SYTL4: variants seen among roughly 807,000 people sequenced by gnomAD.
The protein encoded by SYTL4 is synaptotagmin-like protein 4.
In SYTL4, 16 loss-of-function variants were observed where a neutral mutation model predicts 52.7. That is an observed-to-expected ratio of 0.30 (90% CI 0.21 to 0.46). The LOEUF (loss-of-function observed/expected upper bound fraction) is 0.46, where lower values mean the gene tolerates loss of function less well. Among genes scored for constraint, SYTL4 ranks in the 20% least tolerant of loss-of-function variants. The pLI, the probability that SYTL4 is intolerant of heterozygous loss-of-function variation, is 1.00. For synonymous variants in SYTL4, 160 were observed against 186.6 expected (o/e 0.86, Z 1.16); for missense variants, 423 against 519.9 (o/e 0.81, Z 1.81).
intron 19 of SYTL4, among the ~76,000 whole-genome samples, chrX:100,677,397 A>G (rs2083296822): frequency 8.9e-6 from 1 of 112,069 alleles, no homozygotes; most frequent in South Asian, 3.7e-4. Flanking sequence ...TTCTAAGCAC[A>G]ACAGAAAGCC....
At chrX:100,706,931 C>T (rs2083968099) in intron 2 of SYTL4, among the ~76,000 whole-genome samples, 1 of 111,267 alleles carries the variant, frequency 9.0e-6, no homozygotes, top group Admixed American at 9.6e-5. Context: ...AATAAATATG[C>T]ACCCACTAAT....
intron 2 of SYTL4, among the ~76,000 whole-genome samples, chrX:100,724,918 T>C (rs987772539): frequency 9.3e-6 from 1 of 107,134 alleles, no homozygotes; most frequent in Non-Finnish European, 1.9e-5. Flanking sequence ...TAGTTCTATA[T>C]ATACTGACAC....
intron 2 of SYTL4, among the ~76,000 whole-genome samples, chrX:100,710,583 C>G (rs1194251148): frequency 8.9e-6 from 1 of 112,178 alleles, no homozygotes; most frequent in Non-Finnish European, 1.9e-5. Flanking sequence ...ACAACAACAA[C>G]AAATGTACCA....
At position 100,681,303 on chromosome X, in the gene SYTL4, T is replaced by A; in HGVS notation, c.1482A>T (p.Ser494=). The A allele has an allele frequency of 8.3e-7, 1 of 1,211,228 alleles. No homozygotes were observed. ...ISAESPTGLP[S]HKGELVVSLK... ...ATGAAACCACCAACTCGCCTTTGTG[T>A]GATGGCAAGCCAGTCGGGGACTCAG... The change falls in exon 17 of 20, where the codon TCA becomes TCT. Residue 494 remains serine (S), a synonymous_variant. Coordinates refer to ENST00000372989, the MANE Select transcript of SYTL4 (RefSeq NM_001370165.1).
intron 9 of SYTL4, 98 bp from the exon 10 acceptor site, chrX:100,690,736 T>C: frequency 1.6e-6 from 1 of 631,691 alleles, no homozygotes; most frequent in South Asian, 3.1e-5. Context: ...ATGGCTTGGG[T>C]CATCGTAATA....
intron 17 of SYTL4, among the ~76,000 whole-genome samples, chrX:100,680,054 C>G: frequency 8.9e-6 from 1 of 112,185 alleles, no homozygotes; most frequent in Non-Finnish European, 1.9e-5. Context: ...CTTACCACCT[C>G]TACTTCTTTG....
chrX:100,681,126 A>T, intron 17 of SYTL4, 101 bp downstream of exon 17: 1 of 660,981 alleles, frequency 1.5e-6, no homozygotes, highest in Admixed American at 2.7e-5. Flanking sequence ...GGAGCATCCC[A>T]ATTTGGTCTC....
At chrX:100,727,684 GGA>G (rs1162006287) in intron 2 of SYTL4, among the ~76,000 whole-genome samples, 1 of 112,367 alleles carries the variant, frequency 8.9e-6, no homozygotes, top group Non-Finnish European at 1.9e-5. Context: ...GACAGGCAGA[GGA>G]GATGGAGACG....
intron 16 of SYTL4, among the ~76,000 whole-genome samples, chrX:100,684,045 T>C (rs1172419336): frequency 8.9e-6 from 1 of 112,119 alleles, no homozygotes; most frequent in Non-Finnish European, 1.9e-5. Flanking sequence ...TGTTATACTT[T>C]GGTAATAATT....
rs746223938 is a variant in SYTL4, at chrX:100,686,785, G to A, written c.1185-4C>T. On this transcript the variant is annotated splice_polypyrimidine_tract_variant and splice_region_variant and intron_variant, in intron 14 of 19. Transcript: ENST00000372989. ...CAGAAGGTAAGTCTTCACATATCTA[G>A]AAACCAAAGACAGCACTGAGTAATT... is the stretch of plus-strand genomic sequence containing the variant. 1 of 1,195,851 alleles carries A rather than the reference G, an allele frequency of 8.4e-7. No individual in the cohort carries two copies. Among genetic ancestry groups the A allele is most frequent in the Non-Finnish European group, 1.1e-6 (1 of 881,439 alleles).
intron 2 of SYTL4, among the ~76,000 whole-genome samples, chrX:100,730,257 T>C (rs1346430005): frequency 9.0e-6 from 1 of 111,488 alleles, no homozygotes; most frequent in African/African-American, 3.3e-5. Flanking sequence ...GGAAATGAAG[T>C]GGGTAAGACA....
chrX:100,709,961 A>G (rs1374318438), intron 2 of SYTL4, among the ~76,000 whole-genome samples: 1 of 111,398 alleles, frequency 9.0e-6, no homozygotes, highest in African/African-American at 3.3e-5. Flanking sequence ...TACATGGATG[A>G]ATTTATAGTG....
chrX:100,729,865 G>C (rs1318422205), intron 2 of SYTL4, among the ~76,000 whole-genome samples: 1 of 110,703 alleles, frequency 9.0e-6, no homozygotes, highest in Non-Finnish European at 1.9e-5. Context: ...AGGGGAGGGG[G>C]AATGAGGGAG....
At chrX:100,700,220 A>G (rs2083818898) in intron 8 of SYTL4, among the ~76,000 whole-genome samples, 1 of 112,038 alleles carries the variant, frequency 8.9e-6, no homozygotes, top group African/African-American at 3.2e-5. Context: ...ATTGTATAGT[A>G]TGTGAATTAT....
At chrX:100,695,423 G>C (rs755666885) in intron 8 of SYTL4, among the ~76,000 whole-genome samples, 4 of 111,509 alleles carry the variant, frequency 3.6e-5, no homozygotes, top group Non-Finnish European at 7.5e-5. Flanking sequence ...CAGACAACCA[G>C]AAGCAATAGG....
chrX:100,695,571 G>A (rs1383614374), intron 8 of SYTL4, among the ~76,000 whole-genome samples: 1 of 111,959 alleles, frequency 8.9e-6, no homozygotes, highest in African/African-American at 3.2e-5. Context: ...ACCCAAGGCT[G>A]TGTAGATAAA....
chrX:100,724,618 G>A (rs775603786), intron 2 of SYTL4, among the ~76,000 whole-genome samples: 4 of 98,661 alleles, frequency 4.1e-5, no homozygotes, highest in South Asian at 5.2e-4. Flanking sequence ...ACTCAGGGTT[G>A]AATGGATTAA....
intron 2 of SYTL4, among the ~76,000 whole-genome samples, chrX:100,709,887 C>T (rs908104950): frequency 1.2e-4 from 13 of 111,656 alleles, no homozygotes; most frequent in African/African-American, 4.2e-4. Flanking sequence ...AAGTTTCAGG[C>T]TATTGTTATT....
intron 2 of SYTL4, among the ~76,000 whole-genome samples, chrX:100,717,596 CA>C (rs1208219618): frequency 8.9e-6 from 1 of 112,486 alleles, no homozygotes; most frequent in East Asian, 2.8e-4. Flanking sequence ...ATGCTACGCG[CA>C]AAAACACGGC....
Sources: gnomAD v4.1 joint callset for allele counts (sites outside exome capture counted in the v4.1 genomes callset) on GRCh38, gnomAD v4.1.1 for gene constraint, MANE v1.5 for transcripts, NCBI Gene and HGNC (gene_info 2026-07-23, HGNC 2026-07-21) for gene names.